Variants in DPF3 observed in about 807,000 individuals in gnomAD.
The protein encoded by DPF3 is zinc finger protein DPF3.
A neutral mutation model predicts 56.8 loss-of-function variants in DPF3; 18 were observed. The ratio of observed to expected loss-of-function variants is 0.32; its 90% confidence interval spans 0.22 to 0.47. The LOEUF (loss-of-function observed/expected upper bound fraction) is 0.47. DPF3 is among the 20% of genes least tolerant of loss of function. The pLI is 1.00. For missense variants in DPF3, 403 were observed against 488.8 expected, an observed-to-expected ratio of 0.82 and a Z score of 1.65; for synonymous variants, 188 against 180.2, an observed-to-expected ratio of 1.04 and a Z score of -0.35.
chr14:72,795,475 G>A (rs1312393547), intron 1 of DPF3, among the ~76,000 whole-genome samples: 1 of 151,864 alleles, frequency 6.6e-6, no homozygotes, highest in Non-Finnish European at 1.5e-5. Flanking sequence ...GTATCCTAAG[G>A]AATAAAGAAC....
chr14:72,873,175 T>C (rs1175444290), intron 1 of DPF3, among the ~76,000 whole-genome samples: 3 of 138,962 alleles, frequency 2.2e-5, no homozygotes, highest in Non-Finnish European at 5.1e-5. Flanking sequence ...TCTACTCATC[T>C]GACAAAGGGC....
At chr14:72,650,656 A>G (rs922458608) in intron 8 of DPF3, among the ~76,000 whole-genome samples, 1 of 152,018 alleles carries the variant, frequency 6.6e-6, no homozygotes, top group Non-Finnish European at 1.5e-5. Context: ...CCCCATAGGT[A>G]CCCTGGATCC....
chr14:72,652,875 G>A (rs980819041), intron 8 of DPF3, among the ~76,000 whole-genome samples: 1 of 152,158 alleles, frequency 6.6e-6, no homozygotes, highest in Non-Finnish European at 1.5e-5. Flanking sequence ...ACAAGGCCCA[G>A]GTGCTGTATA....
At chr14:72,827,953 T>TA (rs58664797) in intron 1 of DPF3, among the ~76,000 whole-genome samples, 143 of 151,006 alleles carry the variant, frequency 9.5e-4, no homozygotes, top group African/African-American at 3.0e-3. Flanking sequence ...CCCTGACTCT[T>TA]AAAAAAAAAT....
chr14:72,879,727 C>A, intron 1 of DPF3: 2 of 1,447,104 alleles, frequency 1.4e-6, no homozygotes, highest in South Asian at 2.8e-5. Context: ...TGACAAGAGT[C>A]GTCTCTCTGG....
At chr14:72,799,341 C>T (rs930402678) in intron 1 of DPF3, among the ~76,000 whole-genome samples, 35 of 152,288 alleles carry the variant, frequency 2.3e-4, no homozygotes, top group African/African-American at 7.7e-4. Flanking sequence ...CAGAGACAGG[C>T]TTGTGACTAG....
intron 2 of DPF3, among the ~76,000 whole-genome samples, chr14:72,761,346 T>C (rs904539862): frequency 2.0e-5 from 3 of 152,094 alleles, no homozygotes; most frequent in African/African-American, 7.2e-5. Flanking sequence ...GCAATAAATT[T>C]AAAAGAATTT....
At position 72,652,308 on chromosome 14, in the gene DPF3, T is replaced by A. The variant is rs1400631849; in HGVS notation, c.871+21932A>T. On this transcript the variant is annotated intron_variant, in intron 8 of 10. Transcript: ENST00000556509. ...GGCTTGGAGAGGCGGGTGGTCCCCA[T>A]GACTCATTGGTGGTGGTGGGCTGAC... Among the ~76,000 whole-genome samples the A allele has an allele frequency of 2.0e-5, 3 of 152,252 alleles. No individual in the cohort carries two copies. In the East Asian group the frequency reaches 5.8e-4, roughly 29 times the overall value.
intron 1 of DPF3, among the ~76,000 whole-genome samples, chr14:72,779,009 C>G (rs1891861896): frequency 6.6e-6 from 1 of 152,208 alleles, no homozygotes; most frequent in Admixed American, 6.5e-5. Flanking sequence ...AAGGCCACCC[C>G]CTGGAGTGGT....
At chr14:72,821,401 A>C (rs906837464) in intron 1 of DPF3, among the ~76,000 whole-genome samples, 2 of 152,080 alleles carry the variant, frequency 1.3e-5, no homozygotes, top group African/African-American at 4.8e-5. Context: ...TGGGCAACAT[A>C]GCAAGACCCC....
chr14:72,785,524 C>T (rs1169467880), intron 1 of DPF3, among the ~76,000 whole-genome samples: 1 of 152,180 alleles, frequency 6.6e-6, no homozygotes. Flanking sequence ...TGAGTTTTGC[C>T]TCCAGAACTA....
chr14:72,739,440 G>C (rs1302932642), intron 3 of DPF3, among the ~76,000 whole-genome samples: 1 of 152,130 alleles, frequency 6.6e-6, no homozygotes, highest in African/African-American at 2.4e-5. Flanking sequence ...GAAGTGTCTG[G>C]CACAGGTGAG....
chr14:72,706,278 G>A (rs563568210), intron 6 of DPF3, among the ~76,000 whole-genome samples: 40 of 152,216 alleles, frequency 2.6e-4, no homozygotes, highest in Admixed American at 2.3e-3. Context: ...TTGGCATCCC[G>A]GGGCTGCACT....
chr14:72,638,819 A>ATT (rs71109742), intron 8 of DPF3, among the ~76,000 whole-genome samples: 4,505 of 141,662 alleles, frequency 0.032, 163 homozygotes, highest in South Asian at 0.13. Flanking sequence ...TTTGTTTTAC[A>ATT]TTTTTTTTTT....
At chr14:72,720,813 A>G (rs942221365) in intron 5 of DPF3, among the ~76,000 whole-genome samples, 2 of 152,226 alleles carry the variant, frequency 1.3e-5, no homozygotes, top group African/African-American at 4.8e-5. Context: ...TGGAAATGAA[A>G]GAAGTTCTGA....
intron 1 of DPF3, among the ~76,000 whole-genome samples, chr14:72,814,978 T>C (rs1883223459): frequency 6.6e-6 from 1 of 152,138 alleles, no homozygotes; most frequent in African/African-American, 2.4e-5. Flanking sequence ...AAAAAATTGA[T>C]ACATTGGACT....
chr14:72,732,769 C>G (rs1243875307), intron 3 of DPF3, among the ~76,000 whole-genome samples: 1 of 152,096 alleles, frequency 6.6e-6, no homozygotes, highest in African/African-American at 2.4e-5. Flanking sequence ...TCCAGGTGTC[C>G]CAAACTCCTG....
chr14:72,681,209 A>C (rs1203831492), intron 7 of DPF3, among the ~76,000 whole-genome samples: 1 of 152,210 alleles, frequency 6.6e-6, no homozygotes, highest in Admixed American at 6.5e-5. Flanking sequence ...AGGGAAGTTA[A>C]TGACTAGGAA....
chr14:72,874,843 C>T (rs1208008375), intron 1 of DPF3, among the ~76,000 whole-genome samples: 14 of 152,188 alleles, frequency 9.2e-5, no homozygotes, highest in Admixed American at 1.3e-4. Flanking sequence ...TCCACATTTT[C>T]GGGTATCTTT....
Sources: allele counts gnomAD v4.1 joint callset (sites outside exome capture counted in the v4.1 genomes callset), GRCh38; gene constraint gnomAD v4.1.1; transcripts MANE v1.5; gene names NCBI Gene and HGNC (gene_info 2026-07-23, HGNC 2026-07-21).